SLC43A2: variants seen among roughly 807,000 people sequenced by gnomAD.
SLC43A2 encodes the protein solute carrier family 43 member 2.
Under a neutral mutation model 63.2 loss-of-function variants are expected in SLC43A2, and 38 were observed. The observed-to-expected ratio is 0.60, with a 90% CI of 0.46 to 0.79. The LOEUF (loss-of-function observed/expected upper bound fraction) is 0.79. Among genes scored for constraint, SLC43A2 ranks in the 30% least tolerant of loss-of-function variants. The probability of loss-of-function intolerance (pLI) is 0.00; values close to 1 mark genes in which losing one functional copy is unlikely to be tolerated. For missense variants in SLC43A2, 644 were observed against 756.2 expected, an observed-to-expected ratio of 0.85 and a Z score of 1.74; for synonymous variants, 322 against 331.0, an observed-to-expected ratio of 0.97 and a Z score of 0.30.
intron 9 of SLC43A2, among the ~76,000 whole-genome samples, chr17:1,589,056 A>C (rs1188221176): frequency 6.6e-6 from 1 of 152,232 alleles, no homozygotes; most frequent in Non-Finnish European, 1.5e-5. Flanking sequence ...GTTGGGTGTA[A>C]CGGGTCACAG....
intron 11 of SLC43A2, among the ~76,000 whole-genome samples, chr17:1,582,172 C>T (rs1241540920): frequency 2.7e-4 from 41 of 152,014 alleles, no homozygotes; most frequent in African/African-American, 8.9e-4. Context: ...CTCCGCCTCC[C>T]AGGTTCAAAT....
chr17:1,600,152 A>ATATATATATATATATATATTT (rs1216616243), intron 5 of SLC43A2, among the ~76,000 whole-genome samples: 3 of 60,278 alleles, frequency 5.0e-5, no homozygotes, highest in African/African-American at 1.6e-4. Flanking sequence ...ATATATATAT[A>ATATATATATATATATATATTT]TTTTTTTTTT....
upstream of SLC43A2, among the ~76,000 whole-genome samples, chr17:1,629,455 G>GC (rs1177262846): frequency 6.6e-6 from 1 of 152,146 alleles, no homozygotes; most frequent in Non-Finnish European, 1.5e-5. Flanking sequence ...CAGCCGTGGC[G>GC]CCCCCCGCTG....
chr17:1,590,777 G>C, intron 9 of SLC43A2, 25 bp downstream of exon 9: 1 of 1,550,316 alleles, frequency 6.5e-7, no homozygotes, highest in South Asian at 1.2e-5. Flanking sequence ...GAGTGACAGC[G>C]ACCGAGGCTG....
chr17:1,618,074 G>A (rs995134617), intron 2 of SLC43A2, among the ~76,000 whole-genome samples: 2 of 152,252 alleles, frequency 1.3e-5, no homozygotes, highest in African/African-American at 4.8e-5. Flanking sequence ...CGCCAGGGCT[G>A]TAGCGCCGAG....
At chr17:1,587,391 G>A (rs1464157443) in intron 9 of SLC43A2, among the ~76,000 whole-genome samples, 3 of 152,220 alleles carry the variant, frequency 2.0e-5, no homozygotes, top group African/African-American at 7.2e-5. Flanking sequence ...TCAGAGAGAG[G>A]GAAAGGTCAA....
At chr17:1,628,507 C>A (rs937084729) in intron 1 of SLC43A2, among the ~76,000 whole-genome samples, 9 of 151,816 alleles carry the variant, frequency 5.9e-5, no homozygotes, top group Admixed American at 5.9e-4. Flanking sequence ...GGCGCTGCGG[C>A]CACGCGAACC....
chr17:1,628,377 A>T (rs1432131879), intron 1 of SLC43A2: 1 of 149,708 alleles, frequency 6.7e-6, no homozygotes, highest in Non-Finnish European at 1.5e-5. Flanking sequence ...ACCCTTCCCC[A>T]GAGCTGGTTT....
intron 4 of SLC43A2, among the ~76,000 whole-genome samples, chr17:1,614,428 A>AAACAAAACAAC (rs758604991): frequency 1.8e-4 from 27 of 151,918 alleles, no homozygotes; most frequent in Non-Finnish European, 2.9e-4. Flanking sequence ...AAACAAAACA[A>AAACAAAACAAC]AACAACAACA....
In SLC43A2 at chr17:1,615,842, C is replaced by CAATAAATAAATAAATA. The variant is rs55746555; in HGVS notation, c.368+704_368+719dup. On this transcript the variant is annotated intron_variant, in intron 3 of 13. Coordinates refer to ENST00000301335, the MANE Select transcript of SLC43A2 (RefSeq NM_152346.3). ...TGGGCGACAGAGGGAGACTCCATCT[C>CAATAAATAAATAAATA]AATAAATAAATAAATAAATAAATAA... 4.1e-3 allele frequency among the ~76,000 whole-genome samples: 484 copies of CAATAAATAAATAAATA among 118,822 alleles called. 5 individuals carry two copies. The highest frequency in any genetic ancestry group is 0.013 in the African/African-American group (383 of 30,400). The allele number at this position is 118,822 out of a possible 152,430, so 78.0% of individuals were successfully genotyped here.
At position 1,577,093 on chromosome 17, in the gene SLC43A2, T is replaced by C. The variant is rs2075945725; in HGVS notation, c.1425-373A>G. ...GTTGGCCAGGCTGGTCTCAAACTCCTGACCTTGTGATCTGCCTGCCTCGGC... is the reference window on the plus strand; with the variant it reads ...GTTGGCCAGGCTGGTCTCAAACTCCCGACCTTGTGATCTGCCTGCCTCGGC... On this transcript the variant is annotated intron_variant, in intron 12 of 13. Transcript: ENST00000301335. The surrounding 1 kb of genome is among the most constrained non-coding windows in gnomAD (Gnocchi z 4.9). 1.3e-5 allele frequency among the ~76,000 whole-genome samples: 2 copies of C among 152,120 alleles called. No homozygotes were observed. The highest frequency in any genetic ancestry group is 2.9e-5 in the Non-Finnish European group (2 of 68,008).
rs1295686597 is a variant in SLC43A2, at chr17:1,573,459, T to C, written c.*2145A>G. The C allele has an allele frequency of 6.6e-6, 1 of 152,272 alleles. No individual in the cohort carries two copies. Among genetic ancestry groups the C allele is most frequent in the African/African-American group, 2.4e-5 (1 of 41,470 alleles). The allele number at this position is 152,272 out of a possible 1,614,324, so 9.4% of individuals were successfully genotyped here. On this transcript the variant is annotated 3_prime_UTR_variant, in exon 14 of 14. Coordinates refer to ENST00000301335, the MANE Select transcript of SLC43A2 (RefSeq NM_152346.3). ...CGCTCCTGAGGAGCCACGGAGCTCATGAGCGTTGGCAAAGTGCTGTCAGTG... is the reference window on the plus strand; with the variant it reads ...CGCTCCTGAGGAGCCACGGAGCTCACGAGCGTTGGCAAAGTGCTGTCAGTG...
intron 5 of SLC43A2, among the ~76,000 whole-genome samples, chr17:1,601,468 G>A (rs558089282): frequency 6.0e-4 from 91 of 152,186 alleles, no homozygotes; most frequent in Middle Eastern, 3.4e-3. Context: ...CGACAACCCC[G>A]CTGGAAACAA....
chr17:1,580,134 T>C (rs1203342357), intron 11 of SLC43A2, among the ~76,000 whole-genome samples: 1 of 152,092 alleles, frequency 6.6e-6, no homozygotes, highest in Non-Finnish European at 1.5e-5. Context: ...ACTAGGCTGG[T>C]CTCGAACTCC....
rs539550416 is a variant in SLC43A2 at position 1,576,120 on chromosome 17, G to A, written c.1549-355C>T. On this transcript the variant is annotated intron_variant, in intron 13 of 13. Transcript: ENST00000301335. ...TTTTGAGACGAAGTCTCGCGCTGTC[G>A]TCATTCAGGCTGGAGTGCAGTGGCG... Among the ~76,000 whole-genome samples, 13 of 129,546 alleles carry A rather than the reference G, an allele frequency of 1.0e-4. No homozygotes were observed. The South Asian group carries it at 2.1e-3, about 21-fold the overall frequency. The allele number at this position is 129,546 out of a possible 152,430, so 85.0% of individuals were successfully genotyped here.
At position 1,591,536 on chromosome 17, in the gene SLC43A2, G is replaced by A. The variant is rs764298260; in HGVS notation, c.728+30C>T. ...CCCCGGCTGGGGGGCGGGGGCTGGG[G>A]GCAGGCGGGACGGGGGCACCTCTAC... On this transcript the variant is annotated intron_variant, in intron 7 of 13. Transcript: ENST00000301335. 1.0e-5 allele frequency: 16 copies of A among 1,585,538 alleles called. No individual in the cohort carries two copies. The South Asian group carries it at 1.6e-4, about 16-fold the overall frequency.
intron 2 of SLC43A2, among the ~76,000 whole-genome samples, chr17:1,627,310 C>G (rs892564708): frequency 1.3e-5 from 2 of 152,148 alleles, no homozygotes; most frequent in African/African-American, 4.8e-5. Flanking sequence ...CCTGCTGCAC[C>G]CCAGCCCCTT....
chr17:1,616,207 G>C (rs1053364248), intron 3 of SLC43A2, among the ~76,000 whole-genome samples: 8 of 152,066 alleles, frequency 5.3e-5, no homozygotes, highest in Non-Finnish European at 1.2e-4. Flanking sequence ...GATGGATACT[G>C]TGCCAGCTTC....
intron 3 of SLC43A2, 187 bp downstream of exon 3, chr17:1,616,375 G>C: frequency 1.6e-6 from 1 of 624,322 alleles, no homozygotes; most frequent in Non-Finnish European, 2.8e-6. Context: ...TTCGGTACTG[G>C]AGCACGGCGA....
Sources: gnomAD v4.1 joint callset for allele counts (sites outside exome capture counted in the v4.1 genomes callset) on GRCh38, gnomAD v4.1.1 for gene constraint, Gnocchi (gnomAD v3.1) non-coding constraint, MANE v1.5 for transcripts, NCBI Gene and HGNC (gene_info 2026-07-23, HGNC 2026-07-21) for gene names.